Variants in ARHGAP15 observed in about 807,000 individuals in gnomAD.
ARHGAP15 encodes the protein Rho GTPase activating protein 15.
A neutral mutation model predicts 63.7 loss-of-function variants in ARHGAP15; 51 were observed. That is an observed-to-expected ratio of 0.80 (90% CI 0.64 to 1.01). ARHGAP15 has a LOEUF of 1.01. Ranked by LOEUF, ARHGAP15 falls within the 50% of genes least tolerant of loss-of-function variation. The pLI is 0.00. For synonymous variants in ARHGAP15, 191 were observed against 193.8 expected (o/e 0.99, Z 0.12); for missense variants, 560 against 564.6 (o/e 0.99, Z 0.08).
chr2:143,647,875 A>G (rs1322963813), intron 12 of ARHGAP15, among the ~76,000 whole-genome samples: 2 of 152,104 alleles, frequency 1.3e-5, no homozygotes, highest in African/African-American at 4.8e-5. Context: ...TCTCATTAAT[A>G]TGGAAAATAA....
intron 3 of ARHGAP15, among the ~76,000 whole-genome samples, chr2:143,214,312 C>T (rs748696234): frequency 1.3e-5 from 2 of 152,022 alleles, no homozygotes; most frequent in South Asian, 2.1e-4. Context: ...GGTTACACAA[C>T]AAAATTTCTC....
chr2:143,154,797 G>A (rs1403952044), intron 1 of ARHGAP15, among the ~76,000 whole-genome samples: 1 of 151,894 alleles, frequency 6.6e-6, no homozygotes, highest in African/African-American at 2.4e-5. Flanking sequence ...CTCCTTTAAA[G>A]TGTGTCCATA....
intron 6 of ARHGAP15, among the ~76,000 whole-genome samples, chr2:143,332,312 T>C (rs1458841943): frequency 6.6e-6 from 1 of 152,062 alleles, no homozygotes; most frequent in Non-Finnish European, 1.5e-5. Flanking sequence ...ACAGTCTTCC[T>C]GGGGTCGTCT....
intron 10 of ARHGAP15, among the ~76,000 whole-genome samples, chr2:143,539,915 G>A (rs1232495283): frequency 5.9e-5 from 9 of 151,982 alleles, no homozygotes; most frequent in Admixed American, 5.9e-4. Context: ...GCAGAGCTGA[G>A]TTCAATTCCT....
chr2:143,303,047 C>T (rs1008500996), intron 6 of ARHGAP15, among the ~76,000 whole-genome samples: 2 of 151,860 alleles, frequency 1.3e-5, no homozygotes, highest in East Asian at 3.9e-4. Context: ...AAGACCTAAA[C>T]CCATAAAAAC....
intron 12 of ARHGAP15, among the ~76,000 whole-genome samples, chr2:143,661,308 T>C (rs1465089217): frequency 6.6e-6 from 1 of 152,194 alleles, no homozygotes; most frequent in Non-Finnish European, 1.5e-5. Flanking sequence ...AGGGCCATCA[T>C]CATTGAAGGT....
chr2:143,391,651 G>T (rs1435721413), intron 6 of ARHGAP15, among the ~76,000 whole-genome samples: 1 of 152,104 alleles, frequency 6.6e-6, no homozygotes, highest in Admixed American at 6.5e-5. Context: ...GCCCTGAACT[G>T]CTCTTGACTC....
At chr2:143,691,217 G>C (rs1372361386) in intron 12 of ARHGAP15, among the ~76,000 whole-genome samples, 1 of 152,140 alleles carries the variant, frequency 6.6e-6, no homozygotes, top group African/African-American at 2.4e-5. Flanking sequence ...AAAGTGGCTG[G>C]AAAGTTAGGT....
At chr2:143,435,516 T>TA (rs1689570895) in intron 6 of ARHGAP15, 85 bp from the exon 7 acceptor site, 2 of 1,385,004 alleles carry the variant, frequency 1.4e-6, no homozygotes, top group Non-Finnish European at 9.3e-7. Context: ...CTGTGTTTTT[T>TA]AAAAAAGGAT....
intron 2 of ARHGAP15, among the ~76,000 whole-genome samples, chr2:143,186,753 T>A (rs1254101681): frequency 6.6e-6 from 1 of 152,180 alleles, no homozygotes; most frequent in Non-Finnish European, 1.5e-5. Context: ...TTTGATCATT[T>A]AAAAATGATG....
Position 143,204,968 on chromosome 2 carries a change from C to A in ARHGAP15, c.234+2766C>A, listed in dbSNP as rs116778170. Among the ~76,000 whole-genome samples, 1,385 of 151,602 alleles carry A rather than the reference C, an allele frequency of 9.1e-3. 8 individuals carry two copies. Among genetic ancestry groups the A allele is most frequent in the Non-Finnish European group, 0.014 (959 of 67,798 alleles). On this transcript the variant is annotated intron_variant, in intron 3 of 13. Coordinates refer to ENST00000295095, the MANE Select transcript of ARHGAP15 (RefSeq NM_018460.4). ...AAAAAATGAAACAAAAACAAACAAA[C>A]AAAACCCATAGTGGCCAGGTGTGGT...
chr2:143,662,163 CCTGT>C lies in ARHGAP15; in HGVS notation c.1138+37900_1138+37903del, dbSNP rs1383306212. On this transcript the variant is annotated intron_variant, in intron 12 of 13. Transcript: ENST00000295095. ...AGTAACCTCTGCAGACTTAAATATG[CCTGT>C]CTGACAGCTTTGAAGAGAGCAGTGG... 4.6e-5 allele frequency among the ~76,000 whole-genome samples: 7 copies of C among 152,338 alleles called. No individual in the cohort carries two copies. The East Asian group carries it at 1.2e-3, about 25-fold the overall frequency.
intron 8 of ARHGAP15, among the ~76,000 whole-genome samples, chr2:143,448,540 TGAA>T (rs1314579529): frequency 7.2e-5 from 11 of 151,956 alleles, no homozygotes; most frequent in Admixed American, 4.6e-4. Flanking sequence ...TAGGAATAGG[TGAA>T]GAAGAAAGAT....
At chr2:143,268,305 C>T (rs1156343543) in intron 6 of ARHGAP15, among the ~76,000 whole-genome samples, 1 of 152,028 alleles carries the variant, frequency 6.6e-6, no homozygotes, top group Non-Finnish European at 1.5e-5. Flanking sequence ...TTGCAATTAG[C>T]TGCCACTCCT....
chr2:143,628,989 G>T (rs935782596), intron 12 of ARHGAP15, among the ~76,000 whole-genome samples: 2 of 152,074 alleles, frequency 1.3e-5, no homozygotes, highest in Non-Finnish European at 2.9e-5. Flanking sequence ...TTAAAAGGTG[G>T]TTAGACCAAA....
intron 6 of ARHGAP15, among the ~76,000 whole-genome samples, chr2:143,313,662 G>T (rs1032892503): frequency 6.6e-6 from 1 of 152,166 alleles, no homozygotes; most frequent in East Asian, 1.9e-4. Flanking sequence ...AGATGCTGAG[G>T]TAGAGTCTAT....
At chr2:143,527,134 G>A (rs1485501366) in intron 10 of ARHGAP15, among the ~76,000 whole-genome samples, 1 of 151,676 alleles carries the variant, frequency 6.6e-6, no homozygotes, top group African/African-American at 2.4e-5. Context: ...ATTTTCCAAG[G>A]GATTTTTATA....
chr2:143,162,317 A>T (rs900597214), intron 2 of ARHGAP15: 1 of 152,004 alleles, frequency 6.6e-6, no homozygotes, highest in Non-Finnish European at 1.5e-5. Context: ...AGCTGAAAAT[A>T]GCTAGACACT....
chr2:143,565,768 G>C (rs915907320), intron 11 of ARHGAP15, among the ~76,000 whole-genome samples: 1 of 152,106 alleles, frequency 6.6e-6, no homozygotes, highest in Non-Finnish European at 1.5e-5. Flanking sequence ...TGGAAATAGT[G>C]GTATAACTTG....
Sources: allele counts gnomAD v4.1 joint callset (sites outside exome capture counted in the v4.1 genomes callset), GRCh38; gene constraint gnomAD v4.1.1; transcripts MANE v1.5; gene names NCBI Gene and HGNC (gene_info 2026-07-23, HGNC 2026-07-21).